SNX7: variants seen among roughly 807,000 people sequenced by gnomAD.
The protein encoded by SNX7 is sorting nexin-7.
SNX7 carries 35 observed loss-of-function variants against 48.4 expected under a neutral mutation model. That is an observed-to-expected ratio of 0.72 (90% CI 0.55 to 0.96). The LOEUF (loss-of-function observed/expected upper bound fraction) is 0.96, where lower values mean the gene tolerates loss of function less well. SNX7 is among the 40% of genes least tolerant of loss of function. SNX7 has a pLI of 0.00. For synonymous variants in SNX7, 190 were observed against 190.2 expected (o/e 1.00, Z 0.01); for missense variants, 553 against 548.9 (o/e 1.01, Z -0.07).
intron 2 of SNX7, among the ~76,000 whole-genome samples, chr1:98,687,764 C>T (rs1412296342): frequency 6.6e-6 from 1 of 152,122 alleles, no homozygotes; most frequent in African/African-American, 2.4e-5. Context: ...TTAATTGACT[C>T]ACAGTTCCAC....
At chr1:98,715,458 C>G (rs1005973331) in intron 7 of SNX7, among the ~76,000 whole-genome samples, 1 of 152,174 alleles carries the variant, frequency 6.6e-6, no homozygotes, top group East Asian at 1.9e-4. Context: ...AAAAGTCACT[C>G]TTTTTCCAAT....
intron 7 of SNX7, among the ~76,000 whole-genome samples, chr1:98,723,712 C>A (rs1029951918): frequency 6.6e-6 from 1 of 151,872 alleles, no homozygotes; most frequent in African/African-American, 2.4e-5. Flanking sequence ...AAAAAAGCAG[C>A]TGGGTGTAGT....
At chr1:98,694,154 A>G (rs1271761916) in intron 4 of SNX7, among the ~76,000 whole-genome samples, 1 of 151,520 alleles carries the variant, frequency 6.6e-6, no homozygotes, top group African/African-American at 2.4e-5. Context: ...GCGGATCACA[A>G]GGTCAGGAGA....
At chr1:98,677,330 G>T (rs905787550) in intron 1 of SNX7, 1 of 152,136 alleles carries the variant, frequency 6.6e-6, no homozygotes, top group Non-Finnish European at 1.5e-5. Context: ...CTGAGCAGAT[G>T]ACCAGTGTTG....
intron 1 of SNX7, among the ~76,000 whole-genome samples, chr1:98,676,180 A>G (rs1650152686): frequency 6.6e-6 from 1 of 151,942 alleles, no homozygotes; most frequent in Non-Finnish European, 1.5e-5. Context: ...GTTTTACACA[A>G]ATTTTATATT....
rs557855063 is a variant in SNX7, at chr1:98,708,287, G to C, written c.1125+6384G>C. On this transcript the variant is annotated intron_variant, in intron 7 of 8. Transcript: ENST00000306121. ...AACATGACAGTGTCCAGTGGGATGA[G>C]AAAAGGCTTTTTTTCTTGCATATTT... Among the ~76,000 whole-genome samples the C allele has an allele frequency of 8.5e-5, 13 of 152,214 alleles. No homozygotes were observed. The East Asian group carries it at 2.5e-3, about 29-fold the overall frequency.
At chr1:98,751,740 ACAGTACTG>A (rs1236817594) in intron 8 of SNX7, among the ~76,000 whole-genome samples, 4 of 152,252 alleles carry the variant, frequency 2.6e-5, no homozygotes, top group East Asian at 3.9e-4. Context: ...TGGAAAAAAC[ACAGTACTG>A]CACTATGAGA....
Position 98,673,628 on chromosome 1 carries a change from A to T in SNX7, c.181-11257A>T, listed in dbSNP as rs910072627. On this transcript the variant is annotated intron_variant, in intron 1 of 8. Coordinates refer to ENST00000306121, the MANE Select transcript of SNX7 (RefSeq NM_015976.5). ...AGTGCCTGACACCTGGGTGACATGCAGTGAACATTTGTTAAATGAAATCAA... is the reference window on the plus strand; with the variant it reads ...AGTGCCTGACACCTGGGTGACATGCTGTGAACATTTGTTAAATGAAATCAA... Among the ~76,000 whole-genome samples the T allele has an allele frequency of 2.6e-5, 4 of 152,218 alleles. No homozygotes were observed. In the East Asian group the frequency reaches 7.7e-4, roughly 29 times the overall value.
At chr1:98,708,827 T>C (rs1315309191) in intron 7 of SNX7, among the ~76,000 whole-genome samples, 1 of 152,180 alleles carries the variant, frequency 6.6e-6, no homozygotes, top group Non-Finnish European at 1.5e-5. Context: ...TTTGATTAAA[T>C]TGCAAAAATC....
rs763200674 is a variant in SNX7, at chr1:98,738,213, A to G, written c.1126-24A>G. On this transcript the variant is annotated intron_variant, in intron 7 of 8. Coordinates refer to ENST00000306121, the MANE Select transcript of SNX7 (RefSeq NM_015976.5). ...ATGGAAAGAATTCATAGATCAATGT[A>G]TCTCTCTTTGTGACTTAATTCAGCT... The G allele has an allele frequency of 5.0e-6, 8 of 1,607,390 alleles. No individual in the cohort carries two copies. The East Asian group carries it at 1.8e-4, about 36-fold the overall frequency.
intron 7 of SNX7, among the ~76,000 whole-genome samples, chr1:98,731,347 A>G (rs1346544146): frequency 6.6e-6 from 1 of 152,096 alleles, no homozygotes; most frequent in East Asian, 1.9e-4. Context: ...CAGGAAGAAT[A>G]TTTATTAACT....
chr1:98,671,539 A>G (rs997662106), intron 1 of SNX7, among the ~76,000 whole-genome samples: 7 of 152,058 alleles, frequency 4.6e-5, no homozygotes, highest in African/African-American at 1.4e-4. Context: ...ATTCAATTTT[A>G]TTGAGTATAA....
chr1:98,710,384 A>G (rs1393191592), intron 7 of SNX7, among the ~76,000 whole-genome samples: 1 of 152,132 alleles, frequency 6.6e-6, no homozygotes, highest in African/African-American at 2.4e-5. Flanking sequence ...CAGCGTAACA[A>G]TGTTGCAGAT....
chr1:98,678,651 A>C (rs961619236), intron 1 of SNX7, among the ~76,000 whole-genome samples: 1 of 152,366 alleles, frequency 6.6e-6, no homozygotes, highest in Admixed American at 6.5e-5. Flanking sequence ...TAGCAAAAAC[A>C]TACTGGTGCA....
chr1:98,705,615 A>G (rs1349729911), intron 7 of SNX7, among the ~76,000 whole-genome samples: 2 of 152,174 alleles, frequency 1.3e-5, no homozygotes, highest in Non-Finnish European at 2.9e-5. Context: ...CACAAGGAAT[A>G]TTTCAGGTAG....
intron 1 of SNX7, among the ~76,000 whole-genome samples, chr1:98,675,626 C>A (rs1650120184): frequency 6.6e-6 from 1 of 152,100 alleles, no homozygotes; most frequent in South Asian, 2.1e-4. Flanking sequence ...AAAAGAATGC[C>A]AAAGCACGTT....
At chr1:98,751,503 C>T (rs1315776457) in intron 8 of SNX7, among the ~76,000 whole-genome samples, 3 of 152,064 alleles carry the variant, frequency 2.0e-5, no homozygotes, top group Admixed American at 1.3e-4. Context: ...TGTGGTGGCT[C>T]TCTTTCTCTG....
chr1:98,738,465 G>C lies in SNX7; in HGVS notation c.1278+76G>C. On this transcript the variant is annotated intron_variant, in intron 8 of 8. Coordinates refer to ENST00000306121, the MANE Select transcript of SNX7 (RefSeq NM_015976.5). Reference sequence around the variant, plus strand: ...ACTTTTGGTCCGTCCAATGTTGAAAGAGTGTATTAAAGAACAAGTGTCACA... The same window carrying C: ...ACTTTTGGTCCGTCCAATGTTGAAACAGTGTATTAAAGAACAAGTGTCACA... The C allele has an allele frequency of 2.8e-6, 4 of 1,422,778 alleles. No individual in the cohort carries two copies. In the South Asian group the frequency reaches 3.9e-5, roughly 14 times the overall value. The allele number at this position is 1,422,778 out of a possible 1,614,324, so 88.1% of individuals were successfully genotyped here. A position where few individuals can be genotyped will look rare whatever the true frequency, so the allele number is the denominator to read the frequency against.
intron 7 of SNX7, among the ~76,000 whole-genome samples, chr1:98,730,275 C>A (rs947414741): frequency 6.6e-6 from 1 of 151,926 alleles, no homozygotes; most frequent in Admixed American, 6.6e-5. Context: ...TAATAGGAGC[C>A]GTTTATGACA....
Sources: gnomAD v4.1 joint callset for allele counts (sites outside exome capture counted in the v4.1 genomes callset) on GRCh38, gnomAD v4.1.1 for gene constraint, MANE v1.5 for transcripts, NCBI Gene and HGNC (gene_info 2026-07-23, HGNC 2026-07-21) for gene names.